Variants in EIF2AK3 observed in about 807,000 individuals in gnomAD.
EIF2AK3 encodes the protein eukaryotic translation initiation factor 2 alpha kinase 3.
EIF2AK3 carries 50 observed loss-of-function variants against 113.5 expected under a neutral mutation model. The observed-to-expected ratio is 0.44, with a 90% CI of 0.35 to 0.56. The LOEUF is 0.56. Among genes scored for constraint, EIF2AK3 ranks in the 20% least tolerant of loss-of-function variants. The pLI is 0.00. For missense variants in EIF2AK3, 1,185 were observed against 1,378.0 expected (o/e 0.86, Z 2.22); for synonymous variants, 448 against 495.4 (o/e 0.90, Z 1.27).
At chr2:88,624,291 C>T (rs900570537) in intron 1 of EIF2AK3, among the ~76,000 whole-genome samples, 3 of 151,676 alleles carry the variant, frequency 2.0e-5, no homozygotes, top group African/African-American at 7.3e-5. Flanking sequence ...TGCGCCCAGC[C>T]CCTTTCATTT....
At chr2:88,626,654 T>A (rs1419972407) in intron 1 of EIF2AK3, among the ~76,000 whole-genome samples, 1 of 152,218 alleles carries the variant, frequency 6.6e-6, no homozygotes, top group Non-Finnish European at 1.5e-5. Context: ...TGGAAGAGAA[T>A]CAATGCCCGA....
At chr2:88,574,386 CT>C (rs1012893509) in intron 13 of EIF2AK3, 14 of 462,608 alleles carry the variant, frequency 3.0e-5, no homozygotes, top group Non-Finnish European at 3.9e-5. Flanking sequence ...ATTCTTTTTT[CT>C]TTTTTTTCCC....
intron 2 of EIF2AK3, 87 bp from the exon 3 acceptor site, chr2:88,595,750 C>T: frequency 4.0e-6 from 5 of 1,255,390 alleles, no homozygotes; most frequent in Non-Finnish European, 5.7e-6. Flanking sequence ...AAGCATCATA[C>T]CTTTAAAAGA....
At chr2:88,609,945 CAA>C (rs71378880) in intron 2 of EIF2AK3, among the ~76,000 whole-genome samples, 6 of 38,800 alleles carry the variant, frequency 1.5e-4, no homozygotes, top group African/African-American at 3.9e-4. Context: ...TCCATCTCTA[CAA>C]AAAAAAAAAA....
Position 88,562,326 on chromosome 2 carries a change from A to G in EIF2AK3, c.3050T>C (p.Leu1017Ser). The G allele has an allele frequency of 6.2e-7, 1 of 1,614,114 alleles. No individual in the cohort carries two copies. Among genetic ancestry groups the G allele is most frequent in the Non-Finnish European group, 8.5e-7 (1 of 1,179,990 alleles). The change falls in exon 15 of 17, where the codon TTG (leucine) becomes TCG (serine). Residue 1017 changes from leucine (L) to serine (S), a missense_variant. Physicochemically the swap from Leu to Ser is moderately radical, Grantham distance 145 (BLOSUM62 -2). Transcript: ENST00000303236. Reference protein sequence around the residue: ...IFSLGLILFELLYPFSTQMER... With the variant: ...IFSLGLILFESLYPFSTQMER... ...CATCTGAGTGCTGAATGGATACAGC[A>G]ATTCAAATAGAATCAGGCCTAAAGA...
At chr2:88,619,435 A>G (rs1051376440) in intron 1 of EIF2AK3, among the ~76,000 whole-genome samples, 1 of 152,150 alleles carries the variant, frequency 6.6e-6, no homozygotes, top group Non-Finnish European at 1.5e-5. Context: ...TTTATAGTTC[A>G]CCATCTCTCC....
intron 6 of EIF2AK3, 38 bp downstream of exon 6, chr2:88,590,405 C>A: frequency 1.2e-6 from 2 of 1,608,186 alleles, no homozygotes; most frequent in South Asian, 2.2e-5. Flanking sequence ...ATCTAGATGT[C>A]AATGTGTACT....
chr2:88,599,955 C>A (rs963172158), intron 2 of EIF2AK3, among the ~76,000 whole-genome samples: 2 of 152,222 alleles, frequency 1.3e-5, no homozygotes, highest in African/African-American at 4.8e-5. Flanking sequence ...TTTAAAGATT[C>A]AAGATTTGAT....
intron 2 of EIF2AK3, among the ~76,000 whole-genome samples, chr2:88,600,151 G>C (rs1280531732): frequency 2.0e-5 from 3 of 152,126 alleles, no homozygotes; most frequent in Non-Finnish European, 2.9e-5. Context: ...CTAATTGGTT[G>C]CTTATGAGTC....
In EIF2AK3 at chr2:88,595,454, A is replaced by G. The variant is rs776777727; in HGVS notation, c.633+15T>C. On this transcript the variant is annotated intron_variant, in intron 3 of 16. Coordinates refer to ENST00000303236, the MANE Select transcript of EIF2AK3 (RefSeq NM_004836.7). ...ACTCTGATTTCCCCAAAGTAAATTC[A>G]GCATTTTCACTTACCTTTCCACTAT... 1.4e-5 allele frequency: 22 copies of G among 1,613,142 alleles called. No homozygotes were observed. In the Admixed American group the frequency reaches 1.7e-4, roughly 12 times the overall value.
chr2:88,574,589 C>A (rs1309549555), intron 13 of EIF2AK3, 77 bp downstream of exon 13: 11 of 1,516,894 alleles, frequency 7.3e-6, no homozygotes, highest in Middle Eastern at 3.6e-4. Context: ...AAGGATCCTT[C>A]AGAGTACTGC....
At chr2:88,573,106 T>A (rs1329982220) in intron 13 of EIF2AK3, among the ~76,000 whole-genome samples, 4 of 147,110 alleles carry the variant, frequency 2.7e-5, no homozygotes, top group Non-Finnish European at 5.9e-5. Flanking sequence ...AACAAAAATC[T>A]TGGCTTTTTT....
At chr2:88,573,433 C>T (rs540109476) in intron 13 of EIF2AK3, among the ~76,000 whole-genome samples, 1 of 152,266 alleles carries the variant, frequency 6.6e-6, no homozygotes, top group Admixed American at 6.5e-5. Context: ...ATGTGTATTT[C>T]AGCTAGCTGT....
intron 2 of EIF2AK3, among the ~76,000 whole-genome samples, chr2:88,603,684 C>A (rs1675204157): frequency 6.6e-6 from 1 of 152,182 alleles, no homozygotes; most frequent in South Asian, 2.1e-4. Flanking sequence ...CAGTCTCTCT[C>A]AATTTTAAAA....
intron 15 of EIF2AK3, among the ~76,000 whole-genome samples, chr2:88,561,549 C>G (rs1673960385): frequency 6.6e-6 from 1 of 152,062 alleles, no homozygotes; most frequent in Non-Finnish European, 1.5e-5. Flanking sequence ...GCGTGAGCCA[C>G]TGCACCCGGC....
At chr2:88,595,768 T>A in intron 2 of EIF2AK3, 105 bp from the exon 3 acceptor site, 1 of 1,131,202 alleles carries the variant, frequency 8.8e-7, no homozygotes, top group Non-Finnish European at 1.3e-6. Flanking sequence ...AGAATAATAG[T>A]AATTAAGAGC....
Position 88,627,321 on chromosome 2 carries a change from C to T in EIF2AK3, c.-47G>A. ...GGCATGGAGGCGCAGCCACTGACGCCTGCCTCTCCCGCCGCTTGGAGCTCC... is the reference window on the plus strand; with the variant it reads ...GGCATGGAGGCGCAGCCACTGACGCTTGCCTCTCCCGCCGCTTGGAGCTCC... On this transcript the variant is annotated 5_prime_UTR_variant, in exon 1 of 17. Transcript: ENST00000303236. The T allele has an allele frequency of 6.9e-7, 1 of 1,442,642 alleles. No individual in the cohort carries two copies. 89.4% of individuals were successfully genotyped at this position (1,442,642 alleles called of 1,614,324 possible).
intron 1 of EIF2AK3, among the ~76,000 whole-genome samples, chr2:88,614,311 G>C (rs1675522195): frequency 6.6e-6 from 1 of 152,054 alleles, no homozygotes; most frequent in African/African-American, 2.4e-5. Context: ...TGGACTCCAT[G>C]TATCTCATTG....
At chr2:88,617,038 G>A (rs1220817841) in intron 1 of EIF2AK3, among the ~76,000 whole-genome samples, 1 of 152,114 alleles carries the variant, frequency 6.6e-6, no homozygotes, top group Non-Finnish European at 1.5e-5. Context: ...AGCACCACCG[G>A]AGCAATAAAG....
Sources: gnomAD v4.1 joint callset for allele counts (sites outside exome capture counted in the v4.1 genomes callset) on GRCh38, gnomAD v4.1.1 for gene constraint, MANE v1.5 for transcripts, NCBI Gene and HGNC (gene_info 2026-07-23, HGNC 2026-07-21) for gene names.